Variants in BMPR1B observed in about 807,000 individuals in gnomAD.
The protein encoded by BMPR1B is bone morphogenetic protein receptor type 1B.
In BMPR1B, 12 loss-of-function variants were observed where a neutral mutation model predicts 59.1. The observed-to-expected ratio is 0.20, with a 90% CI of 0.13 to 0.33. BMPR1B has a LOEUF of 0.33. Ranked by LOEUF, BMPR1B falls within the 10% of genes least tolerant of loss-of-function variation. The pLI is 1.00. For missense variants in BMPR1B, 550 were observed against 610.9 expected (o/e 0.90, Z 1.05); for synonymous variants, 237 against 207.3 (o/e 1.14, Z -1.23).
In BMPR1B at chr4:95,059,531, G is replaced by C. The variant is rs184336449; in HGVS notation, c.-17-44877G>C. 5.5e-4 allele frequency among the ~76,000 whole-genome samples: 84 copies of C among 152,002 alleles called. No individual in the cohort carries two copies. In the East Asian group the frequency reaches 6.0e-3, roughly 11 times the overall value. On this transcript the variant is annotated intron_variant, in intron 3 of 12. Transcript: ENST00000515059. Reference sequence around the variant, plus strand: ...GGAATTTCTGGGGGATCGTTTTTGGGCTGATTTTATGCATATATACCAAAC... The same window carrying C: ...GGAATTTCTGGGGGATCGTTTTTGGCCTGATTTTATGCATATATACCAAAC...
In BMPR1B at chr4:95,154,822, G is replaced by A. The variant is rs1252608174; in HGVS notation, c.*149G>A. On this transcript the variant is annotated 3_prime_UTR_variant, in exon 13 of 13. Transcript: ENST00000515059. ...GGGTTCAGACCTCACCTCTCAGGGA[G>A]CGACCTGGGCAAAGACAGAGAAGCT... 1.0e-5 allele frequency: 11 copies of A among 1,088,516 alleles called. No homozygotes were observed. Among genetic ancestry groups the A allele is most frequent in the African/African-American group, 1.6e-5 (1 of 64,194 alleles). 67.4% of individuals were successfully genotyped at this position (1,088,516 alleles called of 1,614,324 possible). A position where few individuals can be genotyped will look rare whatever the true frequency, so the allele number is the denominator to read the frequency against.
chr4:94,989,093 T>C (rs1372790195), intron 2 of BMPR1B, among the ~76,000 whole-genome samples: 1 of 152,110 alleles, frequency 6.6e-6, no homozygotes, highest in Non-Finnish European at 1.5e-5. Context: ...CAACAACATA[T>C]TTTGAAATCA....
chr4:94,867,119 G>A (rs985345664), intron 1 of BMPR1B, among the ~76,000 whole-genome samples: 1 of 151,900 alleles, frequency 6.6e-6, no homozygotes, highest in African/African-American at 2.4e-5. Context: ...GCTCTTACCT[G>A]CGTCTTAAAC....
chr4:95,152,583 T>A (rs1735121832), intron 11 of BMPR1B, 60 bp from the exon 12 acceptor site: 1 of 1,432,300 alleles, frequency 7.0e-7, no homozygotes, highest in Non-Finnish European at 9.4e-7. Context: ...GTGTTAGACT[T>A]TTATTTCTAC....
chr4:95,066,325 T>G (rs1013287654), intron 3 of BMPR1B, among the ~76,000 whole-genome samples: 2 of 152,208 alleles, frequency 1.3e-5, no homozygotes, highest in Non-Finnish European at 2.9e-5. Context: ...AACATAAGCA[T>G]ATTTTCCTAG....
chr4:94,951,642 C>T (rs1397250665), intron 2 of BMPR1B, among the ~76,000 whole-genome samples: 1 of 152,136 alleles, frequency 6.6e-6, no homozygotes, highest in Non-Finnish European at 1.5e-5. Context: ...TTGTGATGTG[C>T]TGCTGGATTC....
intron 1 of BMPR1B, among the ~76,000 whole-genome samples, chr4:94,759,156 C>T (rs1042127087): frequency 6.6e-6 from 1 of 152,216 alleles, no homozygotes; most frequent in African/African-American, 2.4e-5. Context: ...TGAATGGAAA[C>T]GCTGCAGTTC....
At chr4:94,935,416 G>T (rs1335368742) in intron 2 of BMPR1B, among the ~76,000 whole-genome samples, 1 of 152,092 alleles carries the variant, frequency 6.6e-6, no homozygotes, top group Non-Finnish European at 1.5e-5. Flanking sequence ...CACATGCCAG[G>T]CACCCTTCTA....
chr4:95,072,486 A>T (rs1728383363), intron 3 of BMPR1B, among the ~76,000 whole-genome samples: 1 of 152,206 alleles, frequency 6.6e-6, no homozygotes, highest in Non-Finnish European at 1.5e-5. Flanking sequence ...CATTTTGGTT[A>T]TTCTAATGAA....
chr4:94,853,698 T>G (rs763039370), intron 1 of BMPR1B, among the ~76,000 whole-genome samples: 3 of 152,118 alleles, frequency 2.0e-5, no homozygotes, highest in African/African-American at 4.8e-5. Context: ...TAGCAGCACA[T>G]GCCGCCATCA....
Position 95,049,148 on chromosome 4 carries a change from C to G in BMPR1B, c.-18+53014C>G, listed in dbSNP as rs567309800. ...GTCTTTTTGGAGATGGGGTCTTGCT[C>G]TGTCACCCAGGCATGATTGCAGTGG... On this transcript the variant is annotated intron_variant, in intron 3 of 12. Coordinates refer to ENST00000515059, the MANE Select transcript of BMPR1B (RefSeq NM_001203.3). Among the ~76,000 whole-genome samples, 7 of 152,170 alleles carry G rather than the reference C, an allele frequency of 4.6e-5. No homozygotes were observed. The South Asian group carries it at 1.5e-3, about 32-fold the overall frequency.
At chr4:94,961,528 T>A (rs568763462) in intron 2 of BMPR1B, among the ~76,000 whole-genome samples, 3 of 152,364 alleles carry the variant, frequency 2.0e-5, no homozygotes, top group African/African-American at 7.2e-5. Context: ...ATATTTAAAC[T>A]ACTTTCACTG....
intron 1 of BMPR1B, among the ~76,000 whole-genome samples, chr4:94,853,777 T>G (rs564594761): frequency 1.3e-5 from 2 of 152,228 alleles, no homozygotes; most frequent in South Asian, 4.1e-4. Flanking sequence ...GCAAAAGCAC[T>G]AAACCTGAAG....
intron 2 of BMPR1B, among the ~76,000 whole-genome samples, chr4:94,977,120 G>A (rs1731060182): frequency 6.6e-6 from 1 of 152,278 alleles, no homozygotes; most frequent in South Asian, 2.1e-4. Flanking sequence ...ATTAGCAAAA[G>A]CCATGCCCTT....
chr4:94,761,684 C>T (rs1049242524), intron 1 of BMPR1B, among the ~76,000 whole-genome samples: 2 of 152,110 alleles, frequency 1.3e-5, no homozygotes, highest in Non-Finnish European at 2.9e-5. Flanking sequence ...TCTTCCAGTT[C>T]TTGAATTTCA....
chr4:94,906,902 A>G (rs918216003), intron 2 of BMPR1B, among the ~76,000 whole-genome samples: 6 of 152,070 alleles, frequency 3.9e-5, no homozygotes, highest in South Asian at 2.1e-4. Context: ...AAGATCATTT[A>G]TATTATAACT....
At chr4:95,053,915 T>A (rs1346142320) in intron 3 of BMPR1B, among the ~76,000 whole-genome samples, 1 of 152,196 alleles carries the variant, frequency 6.6e-6, no homozygotes, top group Non-Finnish European at 1.5e-5. Context: ...AAATATTCCT[T>A]GACAACATCT....
intron 2 of BMPR1B, among the ~76,000 whole-genome samples, chr4:94,878,578 G>A (rs970028400): frequency 3.3e-5 from 5 of 152,062 alleles, no homozygotes; most frequent in Admixed American, 6.6e-5. Context: ...TCTGAAAACA[G>A]GCCCATTTCA....
intron 1 of BMPR1B, among the ~76,000 whole-genome samples, chr4:94,799,364 C>T (rs372320629): frequency 3.6e-4 from 54 of 150,328 alleles, no homozygotes; most frequent in South Asian, 1.7e-3. Flanking sequence ...AGTGCAGTGG[C>T]GCAATCTCGG....
Sources: gnomAD v4.1 joint callset for allele counts (sites outside exome capture counted in the v4.1 genomes callset) on GRCh38, gnomAD v4.1.1 for gene constraint, MANE v1.5 for transcripts, NCBI Gene and HGNC (gene_info 2026-07-23, HGNC 2026-07-21) for gene names.